Variants in SULF1 observed in about 807,000 individuals in gnomAD.
The protein encoded by SULF1 is extracellular sulfatase Sulf-1.
SULF1 carries 46 observed loss-of-function variants against 110.5 expected under a neutral mutation model. That is an observed-to-expected ratio of 0.42 (90% CI 0.33 to 0.53). SULF1 has a LOEUF of 0.53. SULF1 is among the 20% of genes least tolerant of loss of function. The probability of loss-of-function intolerance (pLI) is 0.12; values close to 1 mark genes in which losing one functional copy is unlikely to be tolerated. For missense variants in SULF1, 941 were observed against 1,094.2 expected, an observed-to-expected ratio of 0.86 and a Z score of 1.98; for synonymous variants, 371 against 387.1, an observed-to-expected ratio of 0.96 and a Z score of 0.49.
At chr8:69,518,508 T>C (rs1247128483) in intron 3 of SULF1, among the ~76,000 whole-genome samples, 1 of 152,182 alleles carries the variant, frequency 6.6e-6, no homozygotes, top group Admixed American at 6.5e-5. Context: ...TCTTATTTTA[T>C]AGAATATTGG....
intron 17 of SULF1, 25 bp from the exon 18 acceptor site, chr8:69,628,146 C>T: frequency 6.3e-7 from 1 of 1,592,992 alleles, no homozygotes; most frequent in Non-Finnish European, 8.6e-7. Flanking sequence ...TATGAAGTCT[C>T]ACTTTTTAAT....
chr8:69,655,011 G>T, intron 22 of SULF1, among the ~76,000 whole-genome samples: 1 of 152,160 alleles, frequency 6.6e-6, no homozygotes, highest in Non-Finnish European at 1.5e-5. Context: ...TTCCTATCCT[G>T]TAATAATATT....
chr8:69,579,890 C>T (rs1428510556), intron 6 of SULF1, among the ~76,000 whole-genome samples: 1 of 152,090 alleles, frequency 6.6e-6, no homozygotes, highest in East Asian at 1.9e-4. Flanking sequence ...TTATTTGGAA[C>T]ATTTAGCTAC....
intron 10 of SULF1, among the ~76,000 whole-genome samples, chr8:69,602,348 A>G (rs80276364): frequency 6.6e-6 from 1 of 152,198 alleles, no homozygotes; most frequent in Non-Finnish European, 1.5e-5. Flanking sequence ...TTTTCCCATC[A>G]TGAAATGGCC....
At chr8:69,499,991 A>G (rs1810680590) in intron 2 of SULF1, among the ~76,000 whole-genome samples, 4 of 152,096 alleles carry the variant, frequency 2.6e-5, no homozygotes, top group Non-Finnish European at 5.9e-5. Flanking sequence ...GCCTCAAGCA[A>G]TCCTCCCATC....
At chr8:69,477,892 C>G (rs1274918154) in intron 1 of SULF1, among the ~76,000 whole-genome samples, 1 of 151,920 alleles carries the variant, frequency 6.6e-6, no homozygotes, top group East Asian at 1.9e-4. Flanking sequence ...GTGTCTCGCT[C>G]TGTCACTCAG....
At chr8:69,544,330 A>T (rs1185138073) in intron 3 of SULF1, among the ~76,000 whole-genome samples, 1 of 151,764 alleles carries the variant, frequency 6.6e-6, no homozygotes, top group Non-Finnish European at 1.5e-5. Context: ...GTACAGTGCC[A>T]CGATCTCGGC....
intron 3 of SULF1, among the ~76,000 whole-genome samples, chr8:69,526,352 C>T (rs904426553): frequency 6.6e-6 from 1 of 152,172 alleles, no homozygotes; most frequent in African/African-American, 2.4e-5. Context: ...AAATAAAGAT[C>T]ATTCTATTCT....
chr8:69,600,777 T>C (rs753211854), intron 9 of SULF1, 24 bp downstream of exon 9: 2 of 1,604,302 alleles, frequency 1.2e-6, no homozygotes, highest in South Asian at 1.1e-5. Context: ...CCTACCTCAG[T>C]GATAGTTTTT....
At chr8:69,497,347 G>A (rs1174084944) in intron 2 of SULF1, among the ~76,000 whole-genome samples, 2 of 151,706 alleles carry the variant, frequency 1.3e-5, no homozygotes, top group Admixed American at 6.6e-5. Context: ...TAGTAGAGAC[G>A]GGGTTTCACC....
At chr8:69,537,023 A>G (rs578096501) in intron 3 of SULF1, among the ~76,000 whole-genome samples, 1 of 152,300 alleles carries the variant, frequency 6.6e-6, no homozygotes, top group East Asian at 1.9e-4. Flanking sequence ...TGGGGGAATG[A>G]GTCCTACCTC....
chr8:69,626,814 A>G (rs1024154898), intron 15 of SULF1, among the ~76,000 whole-genome samples: 2 of 152,202 alleles, frequency 1.3e-5, no homozygotes, highest in Non-Finnish European at 2.9e-5. Context: ...GCTGGCCCGC[A>G]AGCACCGCAG....
At chr8:69,621,445 A>G (rs1428987389) in intron 14 of SULF1, among the ~76,000 whole-genome samples, 194 bp downstream of exon 14, 1 of 152,246 alleles carries the variant, frequency 6.6e-6, no homozygotes, top group Non-Finnish European at 1.5e-5. Flanking sequence ...AAACATTTTC[A>G]CTTAAGCATA....
At chr8:69,477,950 G>A (rs1809370428) in intron 1 of SULF1, among the ~76,000 whole-genome samples, 1 of 151,938 alleles carries the variant, frequency 6.6e-6, no homozygotes, top group East Asian at 1.9e-4. Flanking sequence ...TTGACCTCCT[G>A]GGCTTAATAG....
intron 13 of SULF1, among the ~76,000 whole-genome samples, chr8:69,612,140 G>C (rs1391089545): frequency 6.6e-6 from 1 of 152,126 alleles, no homozygotes; most frequent in Non-Finnish European, 1.5e-5. Flanking sequence ...TAGAATAGTG[G>C]TCTCCAGCTC....
chr8:69,592,796 T>C (rs930520803), intron 8 of SULF1: 19 of 386,384 alleles, frequency 4.9e-5, no homozygotes, highest in South Asian at 1.1e-4. Flanking sequence ...TGGCTCAACT[T>C]AAGGTTTAGG....
chr8:69,655,895 C>T (rs1812689067), intron 22 of SULF1, among the ~76,000 whole-genome samples: 1 of 152,164 alleles, frequency 6.6e-6, no homozygotes, highest in African/African-American at 2.4e-5. Flanking sequence ...TTTTTTCACA[C>T]TTCTTCTACC....
At chr8:69,497,155 CTTTTTT>C (rs5892193) in intron 2 of SULF1, among the ~76,000 whole-genome samples, 4 of 121,706 alleles carry the variant, frequency 3.3e-5, no homozygotes, top group Admixed American at 8.9e-5. Context: ...GTTCTTTTCT[CTTTTTT>C]TTTTTTTTTT....
chr8:69,476,797 A>T (rs978387393), intron 1 of SULF1, among the ~76,000 whole-genome samples: 5 of 152,256 alleles, frequency 3.3e-5, no homozygotes, highest in African/African-American at 9.6e-5. Flanking sequence ...TTTGGAAGCC[A>T]TTAATGGCTA....
Sources: gnomAD v4.1 joint callset for allele counts (sites outside exome capture counted in the v4.1 genomes callset) on GRCh38, gnomAD v4.1.1 for gene constraint, MANE v1.5 for transcripts, NCBI Gene and HGNC (gene_info 2026-07-23, HGNC 2026-07-21) for gene names.